The following BICD1 variants were observed in gnomAD, a reference collection of about 807,000 sequenced individuals.
BICD1 encodes the protein protein bicaudal D homolog 1.
In BICD1, 35 loss-of-function variants were observed where a neutral mutation model predicts 92.5. The observed-to-expected ratio is 0.38, with a 90% CI of 0.29 to 0.50. BICD1 has a LOEUF of 0.50. Ranked by LOEUF, BICD1 falls within the 20% of genes least tolerant of loss-of-function variation. The pLI, the probability that BICD1 is intolerant of heterozygous loss-of-function variation, is 0.93. For missense variants in BICD1, 950 were observed against 1,189.8 expected (o/e 0.80, Z 2.97); for synonymous variants, 429 against 465.1 (o/e 0.92, Z 1.00).
intron 1 of BICD1, among the ~76,000 whole-genome samples, chr12:32,117,751 TATATA>T (rs1358545026): frequency 1.7e-4 from 16 of 94,398 alleles, no homozygotes; most frequent in East Asian, 6.2e-4. Flanking sequence ...TATATATATA[TATATA>T]TATTTTTTTT....
Position 32,319,911 on chromosome 12 carries a change from T to C in BICD1, c.1006-7550T>C, listed in dbSNP as rs147517238. ...GTTGGGAAGGGCCCCTCTCCCTCCA[T>C]CTTTTTTAGTCTTCGTCCAGTTGAC... On this transcript the variant is annotated intron_variant, in intron 4 of 9. Transcript: ENST00000652176. 1.8e-4 allele frequency among the ~76,000 whole-genome samples: 28 copies of C among 152,288 alleles called. No homozygotes were observed. The East Asian group carries it at 5.4e-3, about 29-fold the overall frequency.
intron 1 of BICD1, among the ~76,000 whole-genome samples, chr12:32,197,300 C>A (rs769886348): frequency 2.6e-5 from 4 of 152,126 alleles, no homozygotes; most frequent in Admixed American, 1.3e-4. Context: ...TAAACCACTG[C>A]ACCTGGCCTC....
At chr12:32,130,289 C>T (rs375682988) in intron 1 of BICD1, among the ~76,000 whole-genome samples, 7 of 151,938 alleles carry the variant, frequency 4.6e-5, no homozygotes, top group African/African-American at 9.7e-5. Flanking sequence ...CTGCAAGCTC[C>T]GCCTCTCGGG....
chr12:32,348,438 AT>A (rs1442476949), intron 8 of BICD1, among the ~76,000 whole-genome samples: 1 of 151,966 alleles, frequency 6.6e-6, no homozygotes, highest in Admixed American at 6.6e-5. Context: ...AAAAACTATA[AT>A]TTTTCTCTAA....
intron 2 of BICD1, among the ~76,000 whole-genome samples, chr12:32,284,340 G>T (rs751720): frequency 0.68 from 103,141 of 152,036 alleles, 35,179 homozygotes; most frequent in Middle Eastern, 0.78. Flanking sequence ...CTACTTATAA[G>T]TATTTATAGG....
intron 2 of BICD1, among the ~76,000 whole-genome samples, chr12:32,273,167 C>T (rs1432761696): frequency 6.6e-6 from 1 of 152,098 alleles, no homozygotes; most frequent in Non-Finnish European, 1.5e-5. Context: ...GTGTGCAAGA[C>T]GTAAGGGAGG....
chr12:32,221,667 G>A (rs936397561), intron 2 of BICD1, among the ~76,000 whole-genome samples: 3 of 151,690 alleles, frequency 2.0e-5, no homozygotes, highest in Non-Finnish European at 2.9e-5. Flanking sequence ...GCGACAGAGC[G>A]AGACTCTGTC....
intron 1 of BICD1, among the ~76,000 whole-genome samples, chr12:32,149,046 G>A (rs1943206101): frequency 6.7e-6 from 1 of 150,260 alleles, no homozygotes; most frequent in Non-Finnish European, 1.5e-5. Context: ...TTCTGTAATT[G>A]TAAAAATGTG....
At chr12:32,350,453 G>T (rs1173781669) in intron 8 of BICD1, among the ~76,000 whole-genome samples, 4 of 152,126 alleles carry the variant, frequency 2.6e-5, no homozygotes, top group African/African-American at 9.7e-5. Context: ...CTCTAGCCTG[G>T]GTGACAGTGC....
At chr12:32,210,503 T>C (rs1459043980) in intron 1 of BICD1, among the ~76,000 whole-genome samples, 4 of 152,196 alleles carry the variant, frequency 2.6e-5, no homozygotes, top group African/African-American at 7.2e-5. Context: ...AAAATATCAA[T>C]TTTCTTTGCA....
rs576223615 is a variant in BICD1, at chr12:32,228,312, G to A, written c.426+11853G>A. 2.0e-5 allele frequency among the ~76,000 whole-genome samples: 3 copies of A among 152,232 alleles called. No individual in the cohort carries two copies. The East Asian group carries it at 5.8e-4, about 29-fold the overall frequency. On this transcript the variant is annotated intron_variant, in intron 2 of 9. Transcript: ENST00000652176. ...ACTCTTTCTCCATTGACTTGCCTTT[G>A]CACTTTTGTCAAAATTTATTGGCCA...
chr12:32,164,949 C>T (rs757513705), intron 1 of BICD1, among the ~76,000 whole-genome samples: 5 of 152,188 alleles, frequency 3.3e-5, no homozygotes, highest in Admixed American at 1.3e-4. Context: ...TGAAGTGGCT[C>T]ATCTGGGGTC....
intron 1 of BICD1, among the ~76,000 whole-genome samples, chr12:32,168,922 A>G (rs891664158): frequency 6.6e-6 from 1 of 151,694 alleles, no homozygotes; most frequent in Non-Finnish European, 1.5e-5. Flanking sequence ...AGATCGCGCG[A>G]TTGCACTCCA....
intron 4 of BICD1, among the ~76,000 whole-genome samples, chr12:32,326,324 A>G (rs531857943): frequency 2.2e-4 from 34 of 152,258 alleles, no homozygotes; most frequent in Middle Eastern, 3.4e-3. Context: ...GTAAAAACTC[A>G]TAATTCATAA....
chr12:32,270,072 G>A lies in BICD1; in HGVS notation c.427-23922G>A, dbSNP rs557558401. 1.1e-3 allele frequency among the ~76,000 whole-genome samples: 154 copies of A among 141,278 alleles called. 1 individual carries two copies. Among genetic ancestry groups the A allele is most frequent in the African/African-American group, 4.1e-3 (148 of 36,036 alleles). 92.7% of individuals were successfully genotyped at this position (141,278 alleles called of 152,430 possible). On this transcript the variant is annotated intron_variant, in intron 2 of 9. Transcript: ENST00000652176. ...GGAGGCGGATGTTGCAGTGAGCCAA[G>A]ATGGCACCACTGCTCTCCAGCCTGA...
chr12:32,231,559 CTTTATTTATTTA>C (rs150346060), intron 2 of BICD1, among the ~76,000 whole-genome samples: 64,874 of 147,618 alleles, frequency 0.44, 14,506 homozygotes, highest in Non-Finnish European at 0.47. Flanking sequence ...TTTGTGACTG[CTTTATTTATTTA>C]TTTATTTATT....
chr12:32,187,981 C>T (rs1049994776), intron 1 of BICD1, among the ~76,000 whole-genome samples: 1 of 151,994 alleles, frequency 6.6e-6, no homozygotes, highest in African/African-American at 2.4e-5. Context: ...CTCTGTTGCC[C>T]AGGCTAGAGT....
At chr12:32,320,255 C>G (rs1325772616) in intron 4 of BICD1, among the ~76,000 whole-genome samples, 1 of 152,126 alleles carries the variant, frequency 6.6e-6, no homozygotes, top group Non-Finnish European at 1.5e-5. Context: ...CCTGTAATCC[C>G]AGCACTTGGG....
chr12:32,310,392 G>T (rs1039087137), intron 4 of BICD1, among the ~76,000 whole-genome samples: 1 of 152,102 alleles, frequency 6.6e-6, no homozygotes. Context: ...ACCTGCCTTT[G>T]AACGTAACTG....
Sources: allele counts gnomAD v4.1 joint callset (sites outside exome capture counted in the v4.1 genomes callset), GRCh38; gene constraint gnomAD v4.1.1; transcripts MANE v1.5; gene names NCBI Gene and HGNC (gene_info 2026-07-23, HGNC 2026-07-21).